Variants in EDARADD observed in about 807,000 individuals in gnomAD.
The protein encoded by EDARADD is EDAR associated via death domain, also known as ectodysplasin-A receptor-associated adapter protein.
Under a neutral mutation model 25.6 loss-of-function variants are expected in EDARADD, and 20 were observed. That is an observed-to-expected ratio of 0.78 (90% CI 0.55 to 1.14). EDARADD has a LOEUF of 1.14. Ranked by LOEUF, EDARADD falls within the 50% of genes most tolerant of loss-of-function variation. The probability of loss-of-function intolerance (pLI) is 0.00; values close to 1 mark genes in which losing one functional copy is unlikely to be tolerated. For synonymous variants in EDARADD, 86 were observed against 94.4 expected, an observed-to-expected ratio of 0.91 and a Z score of 0.52; for missense variants, 225 against 270.1, an observed-to-expected ratio of 0.83 and a Z score of 1.17.
At chr1:236,477,795 A>G (rs950375913) in intron 5 of EDARADD, among the ~76,000 whole-genome samples, 1 of 152,016 alleles carries the variant, frequency 6.6e-6, no homozygotes, top group South Asian at 2.1e-4. Context: ...TTTAAAACGA[A>G]TACTTGGTGC....
chr1:236,458,641 C>CTT (rs5781887), intron 4 of EDARADD, among the ~76,000 whole-genome samples: 2,201 of 113,508 alleles, frequency 0.019, 84 homozygotes, highest in African/African-American at 0.049. Context: ...TTTTCTTTTT[C>CTT]TTTTTTTTTT....
chr1:236,483,894 A>G lies in EDARADD; in HGVS notation c.*1245A>G. On this transcript the variant is annotated 3_prime_UTR_variant, in exon 6 of 6. Coordinates refer to ENST00000334232, the MANE Select transcript of EDARADD (RefSeq NM_145861.4). Reference sequence around the variant, plus strand: ...CTACACTGATAAGGTGATCGTCAGCATGGACGTAGAGGCCTCCGAGTTCTT... The same window carrying G: ...CTACACTGATAAGGTGATCGTCAGCGTGGACGTAGAGGCCTCCGAGTTCTT... 2.9e-6 allele frequency: 4 copies of G among 1,376,900 alleles called. No individual in the cohort carries two copies. Among genetic ancestry groups the G allele is most frequent in the Admixed American group, 1.7e-5 (1 of 59,500 alleles). The allele number at this position is 1,376,900 out of a possible 1,614,324, so 85.3% of individuals were successfully genotyped here.
At chr1:236,423,773 G>A (rs978149346) in intron 3 of EDARADD, among the ~76,000 whole-genome samples, 1 of 152,108 alleles carries the variant, frequency 6.6e-6, no homozygotes, top group Admixed American at 6.6e-5. Context: ...TTAGGCATGG[G>A]GTATGGAAGC....
chr1:236,374,069 G>C (rs899722700), intron 3 of EDARADD, among the ~76,000 whole-genome samples: 4 of 152,034 alleles, frequency 2.6e-5, no homozygotes, highest in Non-Finnish European at 5.9e-5. Context: ...GTTGTGGTGT[G>C]TTTATGACCA....
At chr1:236,375,676 TA>T (rs1326145985) in intron 3 of EDARADD, among the ~76,000 whole-genome samples, 3 of 114,054 alleles carry the variant, frequency 2.6e-5, no homozygotes, top group East Asian at 2.8e-4. Context: ...AAAAAAAAGA[TA>T]AAAAAAAATA....
chr1:236,436,854 C>T (rs1486964982), intron 4 of EDARADD, among the ~76,000 whole-genome samples: 3 of 152,088 alleles, frequency 2.0e-5, no homozygotes, highest in Non-Finnish European at 4.4e-5. Context: ...AAAGAGTTTG[C>T]TCTGTTCATA....
Position 236,395,303 on chromosome 1 carries a change from C to A in EDARADD, c.61+798C>A, listed in dbSNP as rs561425271. ...CGCGCGCTCTGGGCGCTGGGGACGC[C>A]CGGGACACTCGGGGCCCCGCCTTGC... On this transcript the variant is annotated intron_variant, in intron 1 of 5. Coordinates refer to ENST00000334232, the MANE Select transcript of EDARADD (RefSeq NM_145861.4). This position sits in a 1 kb window ranked among gnomAD's most constrained non-coding sequence, Gnocchi z 6.9. 5 of 1,214,692 alleles carry A rather than the reference C, an allele frequency of 4.1e-6. No homozygotes were observed. The African/African-American group carries it at 8.2e-5, about 20-fold the overall frequency. The allele number at this position is 1,214,692 out of a possible 1,614,324, so 75.2% of individuals were successfully genotyped here. A position where few individuals can be genotyped will look rare whatever the true frequency, so the allele number is the denominator to read the frequency against.
At position 236,482,679 on chromosome 1, in the gene EDARADD, C is replaced by T. The variant is rs768449995; in HGVS notation, c.*30C>T. The T allele has an allele frequency of 1.1e-5, 17 of 1,609,674 alleles. No homozygotes were observed. The highest frequency in any genetic ancestry group is 4.5e-4 in the Middle Eastern group (2 of 4,438). On this transcript the variant is annotated 3_prime_UTR_variant, in exon 6 of 6. Transcript: ENST00000334232. ...CTTCTTCTTCCTTCATTGGCCTCTC[C>T]GGATGTTGAAACAACCACAGGTCAA...
At chr1:236,366,896 G>A (rs925962117) in intron 3 of EDARADD, among the ~76,000 whole-genome samples, 2 of 151,922 alleles carry the variant, frequency 1.3e-5, no homozygotes, top group Admixed American at 6.6e-5. Context: ...GGCCAACATG[G>A]TGAAACCCCA....
At chr1:236,372,383 T>G (rs894870012) in intron 3 of EDARADD, among the ~76,000 whole-genome samples, 1 of 152,254 alleles carries the variant, frequency 6.6e-6, no homozygotes, top group East Asian at 1.9e-4. Context: ...AATTGATTTT[T>G]GGGTGTTAAA....
intron 4 of EDARADD, among the ~76,000 whole-genome samples, chr1:236,452,832 A>G (rs888798440): frequency 2.6e-5 from 4 of 152,126 alleles, no homozygotes; most frequent in African/African-American, 4.8e-5. Context: ...CAAAACTCCT[A>G]TGACACTAAA....
intron 2 of EDARADD, among the ~76,000 whole-genome samples, chr1:236,411,581 C>T (rs1484216871): frequency 7.1e-6 from 1 of 141,616 alleles, no homozygotes; most frequent in African/African-American, 2.7e-5. Context: ...TCACTCTTGT[C>T]GCCCAGCTGG....
chr1:236,461,754 A>G (rs1489791093), intron 4 of EDARADD, among the ~76,000 whole-genome samples: 2 of 152,214 alleles, frequency 1.3e-5, no homozygotes, highest in Non-Finnish European at 2.9e-5. Flanking sequence ...AACTTTGGTC[A>G]TAACAGGTGA....
At chr1:236,444,182 G>T (rs144627643) in intron 4 of EDARADD, among the ~76,000 whole-genome samples, 8 of 151,774 alleles carry the variant, frequency 5.3e-5, no homozygotes, top group African/African-American at 1.5e-4. Context: ...TAACTTTTTC[G>T]TGCACTGGGA....
chr1:236,422,725 G>T (rs1229051280), intron 3 of EDARADD, among the ~76,000 whole-genome samples: 1 of 152,174 alleles, frequency 6.6e-6, no homozygotes, highest in African/African-American at 2.4e-5. Context: ...CTGCAAGAGG[G>T]GTGACTTTTT....
At chr1:236,409,085 A>T in intron 1 of EDARADD, 131 bp from the exon 2 acceptor site, 1 of 507,374 alleles carries the variant, frequency 2.0e-6, no homozygotes, top group Non-Finnish European at 3.4e-6. Flanking sequence ...AAAAAAAAAA[A>T]AAGGAGTAAG....
At chr1:236,392,069 C>T (rs907214379), upstream of EDARADD, among the ~76,000 whole-genome samples, 1 of 152,192 alleles carries the variant, frequency 6.6e-6, no homozygotes, top group Non-Finnish European at 1.5e-5. Flanking sequence ...CAGTCAGGGA[C>T]TTCTCATTTG....
At chr1:236,470,675 G>A (rs899900855) in intron 5 of EDARADD, among the ~76,000 whole-genome samples, 29 of 151,956 alleles carry the variant, frequency 1.9e-4, no homozygotes, top group Admixed American at 1.0e-3. Context: ...GCGAGATCTC[G>A]GCTCACTGCA....
intron 4 of EDARADD, among the ~76,000 whole-genome samples, chr1:236,450,240 G>A (rs930142810): frequency 3.3e-5 from 5 of 152,022 alleles, no homozygotes; most frequent in Admixed American, 6.6e-5. Context: ...GCATATGATC[G>A]ATATAATCGT....
Sources: gnomAD v4.1 joint callset for allele counts (sites outside exome capture counted in the v4.1 genomes callset) on GRCh38, gnomAD v4.1.1 for gene constraint, Gnocchi (gnomAD v3.1) non-coding constraint, MANE v1.5 for transcripts, NCBI Gene and HGNC (gene_info 2026-07-23, HGNC 2026-07-21) for gene names.